ARHGEF28: variants seen among roughly 807,000 people sequenced by gnomAD.
ARHGEF28 encodes Rho guanine nucleotide exchange factor 28, also known as 190 kDa guanine nucleotide exchange factor.
In ARHGEF28, 152 loss-of-function variants were observed where a neutral mutation model predicts 206.6. That is an observed-to-expected ratio of 0.74 (90% CI 0.64 to 0.84). The LOEUF (loss-of-function observed/expected upper bound fraction) is 0.84, where lower values mean the gene tolerates loss of function less well. ARHGEF28 is among the 40% of genes least tolerant of loss of function. The pLI is 0.00. For synonymous variants in ARHGEF28, 763 were observed against 776.4 expected, an observed-to-expected ratio of 0.98 and a Z score of 0.29; for missense variants, 2,028 against 2,073.2, an observed-to-expected ratio of 0.98 and a Z score of 0.42.
At chr5:73,839,614 T>G (rs570977793) in intron 10 of ARHGEF28, among the ~76,000 whole-genome samples, 1 of 152,258 alleles carries the variant, frequency 6.6e-6, no homozygotes, top group South Asian at 2.1e-4. Flanking sequence ...GGGGAGGATT[T>G]TTAAGTAAGT....
chr5:73,854,867 C>A (rs78102736), intron 14 of ARHGEF28, among the ~76,000 whole-genome samples: 10,948 of 148,184 alleles, frequency 0.074, 431 homozygotes, highest in South Asian at 0.083. Flanking sequence ...ACAACAACAA[C>A]AAAAAAACAC....
chr5:73,797,525 C>T (rs577051198), intron 9 of ARHGEF28, among the ~76,000 whole-genome samples: 25 of 152,236 alleles, frequency 1.6e-4, no homozygotes, highest in Non-Finnish European at 2.9e-4. Flanking sequence ...CTCAGCCTGC[C>T]GAGTAGCTGG....
intron 1 of ARHGEF28, among the ~76,000 whole-genome samples, chr5:73,684,344 G>A (rs985077867): frequency 2.0e-5 from 3 of 152,116 alleles, no homozygotes; most frequent in East Asian, 3.8e-4. Context: ...TTTTGTGATT[G>A]GCTTGTTTTA....
chr5:73,866,944 C>G (rs1010370695), intron 18 of ARHGEF28, among the ~76,000 whole-genome samples: 4 of 152,118 alleles, frequency 2.6e-5, no homozygotes, highest in African/African-American at 9.7e-5. Context: ...AAATTTGTGG[C>G]AACATGCTAT....
At chr5:73,730,727 G>T (rs899569762) in intron 2 of ARHGEF28, among the ~76,000 whole-genome samples, 2 of 151,820 alleles carry the variant, frequency 1.3e-5, no homozygotes, top group Admixed American at 6.6e-5. Flanking sequence ...GTAGAGACAA[G>T]GTTTTGCCAT....
intron 13 of ARHGEF28, among the ~76,000 whole-genome samples, chr5:73,849,938 A>AT (rs1315788105): frequency 6.6e-6 from 1 of 151,960 alleles, no homozygotes; most frequent in African/African-American, 2.4e-5. Flanking sequence ...TTTATTGTCT[A>AT]TTATCCTTAA....
At chr5:73,692,134 TG>T (rs1747870968) in intron 2 of ARHGEF28, among the ~76,000 whole-genome samples, 1 of 152,224 alleles carries the variant, frequency 6.6e-6, no homozygotes, top group South Asian at 2.1e-4. Context: ...AAATTTTGTA[TG>T]TTGATTAAGT....
At position 73,766,279 on chromosome 5, in the gene ARHGEF28, T is replaced by A. The variant is rs139123622; in HGVS notation, c.476-7576T>A. On this transcript the variant is annotated intron_variant, in intron 4 of 35. Transcript: ENST00000513042. ...ACTTAGCCCTAAAAAATATAAGTAC[T>A]TCTGAATTAACTTGTATTGAAAAAT... 1.8e-3 allele frequency among the ~76,000 whole-genome samples: 277 copies of A among 152,364 alleles called. 1 individual carries two copies. Among genetic ancestry groups the A allele is most frequent in the African/African-American group, 6.1e-3 (253 of 41,586 alleles).
At chr5:73,635,275 G>A (rs1463215142) in intron 1 of ARHGEF28, among the ~76,000 whole-genome samples, 1 of 152,244 alleles carries the variant, frequency 6.6e-6, no homozygotes, top group African/African-American at 2.4e-5. Context: ...CCCAGGGGGC[G>A]GAGGTAGCAA....
intron 5 of ARHGEF28, 120 bp downstream of exon 5, chr5:73,774,158 A>C: frequency 1.2e-6 from 1 of 828,142 alleles, no homozygotes; most frequent in Non-Finnish European, 1.8e-6. Context: ...GTTAGCTCTC[A>C]TGCATATATA....
intron 26 of ARHGEF28, among the ~76,000 whole-genome samples, chr5:73,889,090 A>C (rs1417040201): frequency 1.3e-5 from 2 of 152,202 alleles, no homozygotes; most frequent in African/African-American, 4.8e-5. Flanking sequence ...CATGTGTCAC[A>C]AATATCTTAT....
chr5:73,773,723 T>A, intron 4 of ARHGEF28, 132 bp from the exon 5 acceptor site: 3 of 935,492 alleles, frequency 3.2e-6, no homozygotes, highest in Non-Finnish European at 4.6e-6. Flanking sequence ...ATACAGTGAT[T>A]GGGTGCCATT....
At chr5:73,734,802 C>CT (rs905453262) in intron 2 of ARHGEF28, among the ~76,000 whole-genome samples, 8 of 151,816 alleles carry the variant, frequency 5.3e-5, no homozygotes, top group African/African-American at 1.4e-4. Flanking sequence ...TTTTCTTTTT[C>CT]TTTTTTTTAA....
chr5:73,646,819 G>A (rs1744455196), intron 1 of ARHGEF28, among the ~76,000 whole-genome samples: 1 of 152,194 alleles, frequency 6.6e-6, no homozygotes, highest in African/African-American at 2.4e-5. Context: ...TTAAGTAAAA[G>A]TCTAAGCAGT....
chr5:73,708,572 G>A (rs1013565121), intron 2 of ARHGEF28, among the ~76,000 whole-genome samples: 5 of 152,258 alleles, frequency 3.3e-5, no homozygotes, highest in African/African-American at 9.6e-5. Context: ...GTATTCCATG[G>A]TGTATATGTA....
At chr5:73,667,222 G>T (rs992683936) in intron 1 of ARHGEF28, among the ~76,000 whole-genome samples, 7 of 152,118 alleles carry the variant, frequency 4.6e-5, no homozygotes, top group African/African-American at 1.7e-4. Context: ...CAGTTTTCAA[G>T]GTTACTTTGG....
At chr5:73,764,648 A>C (rs1197980970) in intron 4 of ARHGEF28, among the ~76,000 whole-genome samples, 2 of 152,192 alleles carry the variant, frequency 1.3e-5, no homozygotes, top group Non-Finnish European at 2.9e-5. Context: ...AAAACCTGCC[A>C]TTATGCTTGT....
intron 35 of ARHGEF28, among the ~76,000 whole-genome samples, chr5:73,914,310 A>G (rs1763079570): frequency 6.6e-6 from 1 of 151,976 alleles, no homozygotes; most frequent in Non-Finnish European, 1.5e-5. Flanking sequence ...CATAGCTAGT[A>G]AATTGAACCT....
chr5:73,857,665 A>G lies in ARHGEF28; in HGVS notation c.1800A>G (p.Glu600=). 6.3e-7 allele frequency: 1 copy of G among 1,576,348 alleles called. No homozygotes were observed. The highest frequency in any genetic ancestry group is 2.3e-5 in the East Asian group (1 of 43,220). ...GATTCTGTTTTTGTAGAATTCAGGA[A>G]GAAGAATGGGATAAATACATCATAC... ...SEPPRENRIQ[E]EEWDKYIIPA... The change falls in exon 15 of 36, where the codon GAA becomes GAG. Residue 600 remains glutamate (E), a synonymous_variant. Coordinates refer to ENST00000513042, the MANE Select transcript of ARHGEF28 (RefSeq NM_001177693.2).
Sources: allele counts gnomAD v4.1 joint callset (sites outside exome capture counted in the v4.1 genomes callset), GRCh38; gene constraint gnomAD v4.1.1; transcripts MANE v1.5; gene names NCBI Gene and HGNC (gene_info 2026-07-23, HGNC 2026-07-21).